The following ABCC4 variants were observed in gnomAD, a reference collection of about 807,000 sequenced individuals.
The protein encoded by ABCC4 is ATP-binding cassette sub-family C member 4.
Under a neutral mutation model 168.5 loss-of-function variants are expected in ABCC4, and 102 were observed. The observed-to-expected ratio is 0.61, with a 90% CI of 0.52 to 0.71. The LOEUF is 0.71. Ranked by LOEUF, ABCC4 falls within the 30% of genes least tolerant of loss-of-function variation. ABCC4 has a pLI of 0.00. For synonymous variants in ABCC4, 617 were observed against 590.7 expected, an observed-to-expected ratio of 1.04 and a Z score of -0.65; for missense variants, 1,402 against 1,605.8, an observed-to-expected ratio of 0.87 and a Z score of 2.17.
intron 8 of ABCC4, among the ~76,000 whole-genome samples, chr13:95,197,735 C>A (rs1358584901): frequency 1.6e-4 from 24 of 152,112 alleles, no homozygotes; most frequent in Non-Finnish European, 2.9e-4. Flanking sequence ...ACAATAAAAC[C>A]TCAGAGACAC....
At chr13:95,062,486 T>TCACACACA (rs1490489305) in intron 26 of ABCC4, among the ~76,000 whole-genome samples, 75,292 of 144,374 alleles carry the variant, frequency 0.52, 20,292 homozygotes, top group South Asian at 0.66. Context: ...TTATTAAATA[T>TCACACACA]CACACACACA....
chr13:95,132,094 GT>G (rs1040927938), intron 19 of ABCC4, among the ~76,000 whole-genome samples: 1 of 152,202 alleles, frequency 6.6e-6, no homozygotes, highest in Non-Finnish European at 1.5e-5. Context: ...AGATGGTACA[GT>G]TGGTTGTCCC....
intron 30 of ABCC4, among the ~76,000 whole-genome samples, chr13:95,025,193 A>ACCCC (rs2031356188): frequency 1.0e-5 from 1 of 99,238 alleles, no homozygotes; most frequent in Non-Finnish European, 2.1e-5. Context: ...ACACACCCAC[A>ACCCC]CCACACACCC....
intron 19 of ABCC4, among the ~76,000 whole-genome samples, chr13:95,131,623 T>C (rs912628157): frequency 6.6e-6 from 1 of 151,600 alleles, no homozygotes; most frequent in African/African-American, 2.4e-5. Context: ...AGCAAGACTG[T>C]CTCAAAAAAA....
chr13:95,137,600 A>G (rs947738271), intron 19 of ABCC4, among the ~76,000 whole-genome samples: 3 of 152,190 alleles, frequency 2.0e-5, no homozygotes, highest in African/African-American at 7.2e-5. Context: ...GAAATGGGAG[A>G]GGCACCTGCG....
intron 29 of ABCC4, among the ~76,000 whole-genome samples, chr13:95,036,556 T>C (rs560242872): frequency 1.3e-5 from 2 of 152,152 alleles, no homozygotes; most frequent in Non-Finnish European, 2.9e-5. Context: ...TTATTATTAT[T>C]AGATTAATAA....
intron 23 of ABCC4, chr13:95,073,625 C>G (rs776401164): frequency 2.1e-4 from 44 of 205,578 alleles, no homozygotes; most frequent in Non-Finnish European, 3.7e-4. Flanking sequence ...TTACATTATT[C>G]CACTTTCTAC....
intron 20 of ABCC4, among the ~76,000 whole-genome samples, chr13:95,112,445 C>T (rs2035236872): frequency 6.6e-6 from 1 of 152,000 alleles, no homozygotes; most frequent in South Asian, 2.1e-4. Context: ...GTAAGAATAA[C>T]AACTCGACAG....
intron 20 of ABCC4, among the ~76,000 whole-genome samples, chr13:95,088,145 C>T (rs2034317212): frequency 6.6e-6 from 1 of 152,160 alleles, no homozygotes; most frequent in Non-Finnish European, 1.5e-5. Context: ...CAATGTGGTG[C>T]ACCTCTCCCT....
rs942622989 is a variant in ABCC4 at position 95,038,777 on chromosome 13, T to C, written c.3736-4038A>G. ...AAAGGAAGGGAAATTCAGGGCACAA[T>C]TGGGTGACTGACCAGTGGTGCAGTC... On this transcript the variant is annotated intron_variant, in intron 29 of 30. Transcript: ENST00000645237. Among the ~76,000 whole-genome samples the C allele has an allele frequency of 2.0e-5, 3 of 152,094 alleles. No individual in the cohort carries two copies. The South Asian group carries it at 6.2e-4, about 32-fold the overall frequency.
At chr13:95,246,886 T>G (rs1382476307) in intron 3 of ABCC4, 89 bp downstream of exon 3, 9 of 1,451,968 alleles carry the variant, frequency 6.2e-6, no homozygotes, top group Non-Finnish European at 8.4e-6. Context: ...CTCCCTTCTG[T>G]TCCCCCATCC....
rs781394969 is a variant in ABCC4, at chr13:95,053,130, G to A, written c.3421C>T (p.His1141Tyr). 6.2e-7 allele frequency: 1 copy of A among 1,614,072 alleles called. No individual in the cohort carries two copies. Among genetic ancestry groups the A allele is most frequent in the South Asian group, 1.1e-5 (1 of 91,080 alleles). ...GCATTCCACAGTTCCTCATCCGTGT[G>A]CTCATTAAAGGGATCCAGGTTTTTC... Reference protein sequence around the residue: ...MRKNLDPFNEHTDEELWNALQ... With the variant: ...MRKNLDPFNEYTDEELWNALQ... Residue 1141 changes from histidine (H) to tyrosine (Y), a missense_variant, in exon 27 of 31, where the codon CAC becomes TAC. Physicochemically the swap from His to Tyr is moderately conservative, Grantham distance 83. Around this residue, in one of 3 missense-constraint regions of ABCC4, gnomAD observed 1,007 missense variants for 1,127.3 expected, o/e 0.89. Coordinates refer to ENST00000645237, the MANE Select transcript of ABCC4 (RefSeq NM_005845.5).
At chr13:95,125,210 C>T (rs994005776) in intron 19 of ABCC4, among the ~76,000 whole-genome samples, 3 of 152,194 alleles carry the variant, frequency 2.0e-5, no homozygotes, top group Admixed American at 6.5e-5. Flanking sequence ...CTCATGTCAA[C>T]ACCTCCATGA....
intron 19 of ABCC4, among the ~76,000 whole-genome samples, chr13:95,126,720 AATATATAT>A (rs71111594): frequency 0.14 from 11,535 of 81,592 alleles, 1,129 homozygotes; most frequent in Middle Eastern, 0.27. Context: ...CTTTTTTTGG[AATATATAT>A]ATATATATAT....
intron 26 of ABCC4, chr13:95,055,428 T>C (rs1566376357): frequency 6.6e-6 from 1 of 152,234 alleles, no homozygotes; most frequent in Admixed American, 6.5e-5. Context: ...TAACCTCCAT[T>C]GTTAGCAAAA....
chr13:95,069,495 AT>A (rs1426575831), intron 25 of ABCC4, among the ~76,000 whole-genome samples: 1 of 152,186 alleles, frequency 6.6e-6, no homozygotes, highest in Non-Finnish European at 1.5e-5. Context: ...TCACTTGAAA[AT>A]GTTCAGTTCA....
chr13:95,061,488 A>G (rs558929662), intron 26 of ABCC4, among the ~76,000 whole-genome samples: 1 of 152,176 alleles, frequency 6.6e-6, no homozygotes, highest in East Asian at 1.9e-4. Flanking sequence ...GCTTCCTACT[A>G]AACAGGCATT....
intron 21 of ABCC4, among the ~76,000 whole-genome samples, chr13:95,078,285 G>A (rs9556459): frequency 0.092 from 14,019 of 152,140 alleles, 837 homozygotes; most frequent in South Asian, 0.15. Flanking sequence ...GGTGGCGGGC[G>A]CCTGTAGTCC....
intron 1 of ABCC4, among the ~76,000 whole-genome samples, chr13:95,254,672 A>G (rs1285586976): frequency 1.3e-5 from 2 of 152,170 alleles, no homozygotes; most frequent in African/African-American, 4.8e-5. Context: ...TAAGCCATCC[A>G]AGTCCTATTA....
Sources: gnomAD v4.1 joint callset for allele counts (sites outside exome capture counted in the v4.1 genomes callset) on GRCh38, gnomAD v4.1.1 for gene constraint, gnomAD v4.1.1 regional missense constraint, MANE v1.5 for transcripts, NCBI Gene and HGNC (gene_info 2026-07-23, HGNC 2026-07-21) for gene names.